The following NAALADL2 variants were observed in gnomAD, a reference collection of about 807,000 sequenced individuals.
NAALADL2 encodes the protein inactive N-acetylated-alpha-linked acidic dipeptidase-like protein 2.
Under a neutral mutation model 87.2 loss-of-function variants are expected in NAALADL2, and 76 were observed. The ratio of observed to expected loss-of-function variants is 0.87; its 90% CI spans 0.72 to 1.05. The LOEUF (loss-of-function observed/expected upper bound fraction) is 1.05. NAALADL2 is among the 50% of genes least tolerant of loss of function. The pLI is 0.00. For synonymous variants in NAALADL2, 354 were observed against 331.0 expected (o/e 1.07, Z -0.75); for missense variants, 1,089 against 945.8 (o/e 1.15, Z -1.99).
chr3:174,927,786 G>A (rs13096052), intron 1 of NAALADL2, among the ~76,000 whole-genome samples: 55,759 of 151,880 alleles, frequency 0.37, 10,945 homozygotes, highest in African/African-American at 0.51. Flanking sequence ...CCCTAACATC[G>A]CAATTGAAAG....
chr3:175,117,118 G>T (rs1725365807), intron 2 of NAALADL2, among the ~76,000 whole-genome samples: 1 of 152,018 alleles, frequency 6.6e-6, no homozygotes, highest in Admixed American at 6.6e-5. Flanking sequence ...AATTCAAGAT[G>T]AACTAAAGAC....
At chr3:174,835,451 A>AT (rs1215486723) in intron 3 of NAALADL2, among the ~76,000 whole-genome samples, 15 of 152,096 alleles carry the variant, frequency 9.9e-5, no homozygotes, top group Admixed American at 2.0e-4. Context: ...TTTAGCTATG[A>AT]TTTTTTGCAT....
rs148297911 is a variant in NAALADL2, at chr3:175,566,899, G to A, written c.1654-9142G>A. On this transcript the variant is annotated intron_variant, in intron 9 of 13. Coordinates refer to ENST00000454872, the MANE Select transcript of NAALADL2 (RefSeq NM_207015.3). ...TCATACAGAAAAGTTATAATTTTAC[G>A]TAGTAGGACTAATTAATCTTTTTTA... is the stretch of plus-strand genomic sequence containing the variant. Among the ~76,000 whole-genome samples, 316 of 152,090 alleles carry A rather than the reference G, an allele frequency of 2.1e-3. 2 individuals carry two copies. The highest frequency in any genetic ancestry group is 6.9e-3 in the African/African-American group (288 of 41,526).
At chr3:175,430,710 C>A (rs1560537991) in intron 5 of NAALADL2, among the ~76,000 whole-genome samples, 1 of 152,006 alleles carries the variant, frequency 6.6e-6, no homozygotes, top group African/African-American at 2.4e-5. Context: ...CTGAGAGTAG[C>A]ACAGAAGTCT....
At chr3:175,361,292 G>A (rs1355712299) in intron 5 of NAALADL2, among the ~76,000 whole-genome samples, 1 of 149,070 alleles carries the variant, frequency 6.7e-6, no homozygotes, top group Non-Finnish European at 1.5e-5. Context: ...TTGGTTCCAA[G>A]TCTTTGCTAT....
intron 4 of NAALADL2, among the ~76,000 whole-genome samples, chr3:175,304,801 A>T (rs1235939067): frequency 2.0e-5 from 3 of 152,330 alleles, no homozygotes; most frequent in African/African-American, 7.2e-5. Flanking sequence ...ATGTGCAAAT[A>T]CTTTTCAGAC....
At chr3:174,885,506 G>A (rs371510748) in intron 1 of NAALADL2, among the ~76,000 whole-genome samples, 25 of 152,204 alleles carry the variant, frequency 1.6e-4, no homozygotes, top group African/African-American at 5.5e-4. Context: ...TGCCTCCCAC[G>A]AATGATGAAT....
At chr3:175,143,045 T>C (rs1730232210) in intron 2 of NAALADL2, among the ~76,000 whole-genome samples, 1 of 151,988 alleles carries the variant, frequency 6.6e-6, no homozygotes, top group Non-Finnish European at 1.5e-5. Flanking sequence ...GGTATTTGAC[T>C]GCAAAATTCT....
chr3:175,340,236 C>T (rs563877453), intron 5 of NAALADL2, among the ~76,000 whole-genome samples: 50 of 152,046 alleles, frequency 3.3e-4, no homozygotes, highest in African/African-American at 1.1e-3. Context: ...TATAAATGTT[C>T]GATAACTATG....
At chr3:175,385,786 A>C (rs1768309595) in intron 5 of NAALADL2, among the ~76,000 whole-genome samples, 1 of 152,144 alleles carries the variant, frequency 6.6e-6, no homozygotes, top group Non-Finnish European at 1.5e-5. Context: ...AAGATTTAAA[A>C]AATCCAAAAA....
At chr3:174,991,451 CAT>C (rs1010791968) in intron 1 of NAALADL2, among the ~76,000 whole-genome samples, 4 of 131,622 alleles carry the variant, frequency 3.0e-5, no homozygotes, top group East Asian at 2.4e-4. Context: ...TTTATAAAAA[CAT>C]ATTTTTAGAG....
At chr3:175,457,700 T>TC (rs981664960) in intron 6 of NAALADL2, among the ~76,000 whole-genome samples, 1 of 150,596 alleles carries the variant, frequency 6.6e-6, no homozygotes, top group African/African-American at 2.4e-5. Context: ...TTTTTTTTTT[T>TC]TTTGTAGAGA....
At chr3:174,628,460 G>C (rs113718442) in intron 2 of NAALADL2, among the ~76,000 whole-genome samples, 5 of 115,602 alleles carry the variant, frequency 4.3e-5, no homozygotes, top group African/African-American at 1.8e-4. Flanking sequence ...CCAGGTGACA[G>C]TGCGAGACTG....
chr3:174,561,994 A>G (rs1238624323), intron 2 of NAALADL2, among the ~76,000 whole-genome samples: 2 of 152,182 alleles, frequency 1.3e-5, no homozygotes, highest in Non-Finnish European at 2.9e-5. Flanking sequence ...TTCTACAGCT[A>G]TGTGAAAAAT....
At chr3:175,485,845 A>C (rs1160652305) in intron 9 of NAALADL2, among the ~76,000 whole-genome samples, 1 of 152,148 alleles carries the variant, frequency 6.6e-6, no homozygotes, top group African/African-American at 2.4e-5. Context: ...TCATGTTGAC[A>C]CTTAATATTA....
intron 5 of NAALADL2, among the ~76,000 whole-genome samples, chr3:175,426,679 G>A (rs763359189): frequency 5.4e-4 from 81 of 150,514 alleles, no homozygotes; most frequent in Middle Eastern, 6.8e-3. Flanking sequence ...TTTCTCATAT[G>A]CAAAGTTCAG....
chr3:175,592,666 A>G (rs1029647385), intron 10 of NAALADL2, among the ~76,000 whole-genome samples: 1 of 146,104 alleles, frequency 6.8e-6, no homozygotes, highest in Non-Finnish European at 1.5e-5. Context: ...GCATATTCTC[A>G]CTCATAGGTG....
chr3:174,909,222 C>T (rs143179289), intron 1 of NAALADL2, among the ~76,000 whole-genome samples: 11 of 152,020 alleles, frequency 7.2e-5, no homozygotes, highest in Non-Finnish European at 1.0e-4. Flanking sequence ...GGTGATATAC[C>T]GTCTCTACTA....
intron 1 of NAALADL2, among the ~76,000 whole-genome samples, chr3:175,084,488 G>C (rs563808978): frequency 1.1e-4 from 16 of 152,072 alleles, no homozygotes; most frequent in Admixed American, 4.6e-4. Context: ...GGTACTCAGG[G>C]CTATAAGAAT....
Sources: allele counts gnomAD v4.1 joint callset (sites outside exome capture counted in the v4.1 genomes callset), GRCh38; gene constraint gnomAD v4.1.1; transcripts MANE v1.5; gene names NCBI Gene and HGNC (gene_info 2026-07-23, HGNC 2026-07-21).